Variants in ARHGAP21 observed in about 807,000 individuals in gnomAD.
ARHGAP21 encodes Rho GTPase activating protein 21, also known as rho GTPase-activating protein 21.
A neutral mutation model predicts 164.6 loss-of-function variants in ARHGAP21; 38 were observed. The observed-to-expected ratio is 0.23, with a 90% CI of 0.18 to 0.30. ARHGAP21 has a LOEUF of 0.30. ARHGAP21 is among the 10% of genes least tolerant of loss of function. The pLI, the probability that ARHGAP21 is intolerant of heterozygous loss-of-function variation, is 1.00. For synonymous variants in ARHGAP21, 766 were observed against 857.9 expected, an observed-to-expected ratio of 0.89 and a Z score of 1.87; for missense variants, 1,822 against 2,370.7, an observed-to-expected ratio of 0.77 and a Z score of 4.81.
intron 9 of ARHGAP21, among the ~76,000 whole-genome samples, chr10:24,617,605 G>A (rs1312184199): frequency 2.0e-5 from 3 of 151,390 alleles, no homozygotes; most frequent in East Asian, 3.9e-4. Flanking sequence ...GAATATATCC[G>A]ATTTATAAAA....
intron 4 of ARHGAP21, among the ~76,000 whole-genome samples, chr10:24,661,002 T>A (rs1327917324): frequency 2.0e-5 from 3 of 152,094 alleles, no homozygotes; most frequent in Non-Finnish European, 4.4e-5. Context: ...CTCAAGGCCA[T>A]CTGACCAGTC....
chr10:24,626,337 C>T (rs1446354127), intron 7 of ARHGAP21, among the ~76,000 whole-genome samples: 1 of 152,156 alleles, frequency 6.6e-6, no homozygotes, highest in African/African-American at 2.4e-5. Flanking sequence ...CGTATGTTGA[C>T]ACTTAATCAC....
chr10:24,715,213 A>AT (rs1845246318), intron 2 of ARHGAP21, among the ~76,000 whole-genome samples: 1 of 152,232 alleles, frequency 6.6e-6, no homozygotes, highest in East Asian at 1.9e-4. Context: ...TTTTATTGTC[A>AT]TTTTGGTAAT....
At chr10:24,705,443 T>C (rs1458394025) in intron 2 of ARHGAP21, among the ~76,000 whole-genome samples, 1 of 152,214 alleles carries the variant, frequency 6.6e-6, no homozygotes, top group Non-Finnish European at 1.5e-5. Flanking sequence ...ATTAGTCTAT[T>C]ATGCCCAGCC....
intron 2 of ARHGAP21, among the ~76,000 whole-genome samples, chr10:24,671,161 C>T (rs1593239809): frequency 6.6e-6 from 1 of 152,264 alleles, no homozygotes; most frequent in East Asian, 1.9e-4. Context: ...CACTCCTTTA[C>T]CCTCTCCCAC....
intron 4 of ARHGAP21, among the ~76,000 whole-genome samples, chr10:24,664,275 G>A (rs1043049381): frequency 4.6e-5 from 7 of 152,110 alleles, no homozygotes; most frequent in African/African-American, 7.2e-5. Flanking sequence ...GTATAGGACC[G>A]GCCAGGTGCA....
chr10:24,672,950 C>A (rs1165237278), intron 2 of ARHGAP21, among the ~76,000 whole-genome samples: 1 of 151,664 alleles, frequency 6.6e-6, no homozygotes. Flanking sequence ...TTTAAAATAC[C>A]ATTTATAATT....
At chr10:24,678,073 G>A (rs937671479) in intron 2 of ARHGAP21, among the ~76,000 whole-genome samples, 5 of 151,580 alleles carry the variant, frequency 3.3e-5, no homozygotes, top group Admixed American at 6.6e-5. Flanking sequence ...ACCAGCCTGG[G>A]CAACATAGTG....
chr10:24,715,868 G>A (rs1220545201), intron 2 of ARHGAP21, among the ~76,000 whole-genome samples: 2 of 152,070 alleles, frequency 1.3e-5, no homozygotes, highest in Admixed American at 1.3e-4. Flanking sequence ...AATTAACCAG[G>A]CATGCTGGCA....
intron 2 of ARHGAP21, among the ~76,000 whole-genome samples, chr10:24,684,864 C>T (rs1565159671): frequency 6.6e-6 from 1 of 152,202 alleles, no homozygotes; most frequent in East Asian, 1.9e-4. Context: ...GTCTCGAACT[C>T]CTGATATCAG....
chr10:24,697,828 C>T (rs1035744542), intron 2 of ARHGAP21, among the ~76,000 whole-genome samples: 2 of 151,558 alleles, frequency 1.3e-5, no homozygotes, highest in Non-Finnish European at 2.9e-5. Context: ...CCACTGCACT[C>T]CAGCCTGGGC....
chr10:24,600,570 T>C lies in ARHGAP21; in HGVS notation c.3132+76A>G, dbSNP rs970646725. ...TTATAATTTTTTTATAAAAATGATA[T>C]ATCATATTCCTTAGATCTTTGTAAG... On this transcript the variant is annotated intron_variant, in intron 14 of 25. Coordinates refer to ENST00000396432, the MANE Select transcript of ARHGAP21 (RefSeq NM_020824.4). 5.4e-6 allele frequency: 8 copies of C among 1,469,858 alleles called. 1 individual carries two copies. The highest frequency in any genetic ancestry group is 2.3e-5 in the East Asian group (1 of 43,358). The allele number at this position is 1,469,858 out of a possible 1,614,324, so 91.1% of individuals were successfully genotyped here.
At chr10:24,717,901 T>C (rs994833816) in intron 2 of ARHGAP21, among the ~76,000 whole-genome samples, 12 of 152,174 alleles carry the variant, frequency 7.9e-5, no homozygotes, top group Admixed American at 3.3e-4. Flanking sequence ...CTAATTTTTG[T>C]ATTTTTAGTA....
At chr10:24,632,276 A>T (rs1835920375) in intron 6 of ARHGAP21, among the ~76,000 whole-genome samples, 1 of 152,244 alleles carries the variant, frequency 6.6e-6, no homozygotes, top group Admixed American at 6.5e-5. Flanking sequence ...TTTAAAGAAG[A>T]GATATTAACA....
Position 24,675,181 on chromosome 10 carries a change from C to A in ARHGAP21, c.64-4784G>T, listed in dbSNP as rs551353539. Among the ~76,000 whole-genome samples the A allele has an allele frequency of 2.6e-5, 4 of 152,218 alleles. No homozygotes were observed. In the East Asian group the frequency reaches 7.7e-4, roughly 29 times the overall value. ...GAAAACAACTGAAATATTTCAGTAA[C>A]AGATGAATGGATAACTAAACTGTGA... On this transcript the variant is annotated intron_variant, in intron 2 of 25. Coordinates refer to ENST00000396432, the MANE Select transcript of ARHGAP21 (RefSeq NM_020824.4).
In ARHGAP21 at chr10:24,619,512, T is replaced by G. The variant is rs1565027989; in HGVS notation, c.2383A>C (p.Ser795Arg). The G allele has an allele frequency of 6.2e-7, 1 of 1,614,030 alleles. No individual in the cohort carries two copies. The highest frequency in any genetic ancestry group is 1.7e-5 in the Admixed American group (1 of 59,998). ...RMEERKASST[S>R]PPGDSLASIP... ...GAAGCCAAAGAATCGCCAGGCGGACTGGTACTCGAGGCTTTTCTTTCCTCC... is the reference window on the plus strand; with the variant it reads ...GAAGCCAAAGAATCGCCAGGCGGACGGGTACTCGAGGCTTTTCTTTCCTCC... Residue 795 changes from serine (S) to arginine (R), a missense_variant, in exon 9 of 26, where the codon AGT becomes CGT. Physicochemically the swap from Ser to Arg is moderately radical, Grantham distance 110. Around this residue, in one of 5 missense-constraint regions of ARHGAP21, gnomAD observed 1,090 missense variants for 1,378.9 expected, o/e 0.79. Coordinates refer to ENST00000396432, the MANE Select transcript of ARHGAP21 (RefSeq NM_020824.4).
intron 4 of ARHGAP21, among the ~76,000 whole-genome samples, chr10:24,657,218 C>G (rs1839123238): frequency 3.6e-5 from 1 of 27,658 alleles, no homozygotes; most frequent in Non-Finnish European, 6.4e-5. Context: ...GCCCCTCTGC[C>G]CGGCCAGCCG....
chr10:24,613,989 T>C (rs1391288675), intron 9 of ARHGAP21, among the ~76,000 whole-genome samples: 1 of 152,160 alleles, frequency 6.6e-6, no homozygotes, highest in Non-Finnish European at 1.5e-5. Flanking sequence ...TGTACAAGCG[T>C]GTGTGTATGA....
chr10:24,608,010 TCAC>T, intron 9 of ARHGAP21, 107 bp from the exon 10 acceptor site: 7 of 1,032,086 alleles, frequency 6.8e-6, no homozygotes, highest in Non-Finnish European at 9.5e-6. Flanking sequence ...TTTTAACACT[TCAC>T]CACCAAAGCA....
Sources: allele counts gnomAD v4.1 joint callset (sites outside exome capture counted in the v4.1 genomes callset), GRCh38; gene constraint gnomAD v4.1.1; regional missense constraint gnomAD v4.1.1; transcripts MANE v1.5; gene names NCBI Gene and HGNC (gene_info 2026-07-23, HGNC 2026-07-21).